The following CDH13 variants were observed in gnomAD, a reference collection of about 807,000 sequenced individuals.
CDH13 encodes the protein cadherin-13.
A neutral mutation model predicts 63.8 loss-of-function variants in CDH13; 24 were observed. The ratio of observed to expected loss-of-function variants is 0.38; its 90% CI spans 0.27 to 0.53. CDH13 has a LOEUF of 0.53. Among genes scored for constraint, CDH13 ranks in the 20% least tolerant of loss-of-function variants. CDH13 has a pLI of 0.85. For missense variants in CDH13, 1,049 were observed against 903.1 expected, an observed-to-expected ratio of 1.16 and a Z score of -2.07; for synonymous variants, 503 against 355.3, an observed-to-expected ratio of 1.42 and a Z score of -4.67.
At chr16:83,217,237 C>T in intron 4 of CDH13, 108 bp from the exon 5 acceptor site, 3 of 1,032,510 alleles carry the variant, frequency 2.9e-6, no homozygotes. Flanking sequence ...ACCAGGTACC[C>T]ATGTGCTGGC....
intron 5 of CDH13, among the ~76,000 whole-genome samples, chr16:83,267,866 C>G (rs1452589303): frequency 2.0e-5 from 3 of 152,154 alleles, no homozygotes; most frequent in Non-Finnish European, 4.4e-5. Flanking sequence ...CACCACTTTC[C>G]CAGAAGTTCC....
At chr16:83,515,751 A>G (rs1007881178) in intron 7 of CDH13, among the ~76,000 whole-genome samples, 6 of 152,236 alleles carry the variant, frequency 3.9e-5, no homozygotes, top group Admixed American at 3.9e-4. Flanking sequence ...GGTTGAATTC[A>G]TGAAGAAATT....
Position 83,125,494 on chromosome 16 carries a change from T to C in CDH13, c.476T>C (p.Val159Ala), listed in dbSNP as rs2035769938. The C allele has an allele frequency of 8.3e-6, 13 of 1,573,646 alleles. No individual in the cohort carries two copies. The highest frequency in any genetic ancestry group is 1.1e-5 in the South Asian group (1 of 90,052). ...CAGAGACAGCCTTTCCCAAGAGATG[T>C]TGGCAAGGTAAGTCAGACAAACAGC... is the stretch of plus-strand genomic sequence containing the variant. ...ENQRQPFPRD[V>A]GKVVDSDRPE... Residue 159 changes from valine to alanine, a missense_variant, in exon 4 of 14, where the codon GTT (valine) becomes GCT (alanine). By Grantham distance (64) the Val-to-Ala change is moderately conservative (BLOSUM62 0). Coordinates refer to ENST00000567109, the MANE Select transcript of CDH13 (RefSeq NM_001257.5).
At chr16:83,724,218 TGAATGCATGGATGAATGTG>T (rs1360545158) in intron 10 of CDH13, among the ~76,000 whole-genome samples, 3 of 119,772 alleles carry the variant, frequency 2.5e-5, no homozygotes, top group Admixed American at 8.4e-5. Context: ...GGGTGGGTGA[TGAATGCATGGATGAATGTG>T]GAATGCATGG....
At chr16:83,780,278 T>C in intron 12 of CDH13, 77 bp downstream of exon 12, 2 of 940,266 alleles carry the variant, frequency 2.1e-6, no homozygotes, top group Non-Finnish European at 3.2e-6. Flanking sequence ...GCTGTTTCTC[T>C]ACTGTTCTCT....
chr16:83,626,867 G>A (rs145339906), intron 8 of CDH13, among the ~76,000 whole-genome samples: 527 of 152,228 alleles, frequency 3.5e-3, no homozygotes, highest in Non-Finnish European at 5.1e-3. Flanking sequence ...ATGGTCCTCC[G>A]TGATGCCGCT....
At chr16:82,721,287 T>C (rs755777305) in intron 1 of CDH13, among the ~76,000 whole-genome samples, 55 of 152,282 alleles carry the variant, frequency 3.6e-4, no homozygotes, top group Non-Finnish European at 6.0e-4. Context: ...CAATGTACCA[T>C]GATCTAGTAT....
intron 1 of CDH13, among the ~76,000 whole-genome samples, chr16:82,733,847 C>T (rs2033529176): frequency 5.3e-5 from 8 of 152,228 alleles, no homozygotes; most frequent in Admixed American, 5.2e-4. Flanking sequence ...TATGTATGCA[C>T]TTATTCTTGC....
chr16:83,376,964 A>G (rs1353695097), intron 6 of CDH13, among the ~76,000 whole-genome samples: 1 of 152,148 alleles, frequency 6.6e-6, no homozygotes, highest in Non-Finnish European at 1.5e-5. Context: ...GAGATGCTCA[A>G]GCTATATGAA....
intron 2 of CDH13, among the ~76,000 whole-genome samples, chr16:82,901,587 T>A (rs1024628499): frequency 6.6e-6 from 1 of 152,206 alleles, no homozygotes; most frequent in African/African-American, 2.4e-5. Context: ...GAAAAAGGCA[T>A]GTTGCTTGGG....
rs532811546 is a variant in CDH13 at position 83,310,561 on chromosome 16, A to G, written c.637-34301A>G. ...TAAACCATCACCTCCTCTTCCACCA[A>G]GGCTATTGCCTTTTAGGTCCTTCAC... On this transcript the variant is annotated intron_variant, in intron 5 of 13. Coordinates refer to ENST00000567109, the MANE Select transcript of CDH13 (RefSeq NM_001257.5). 1.5e-3 allele frequency among the ~76,000 whole-genome samples: 223 copies of G among 152,324 alleles called. 1 individual carries two copies. Among genetic ancestry groups the G allele is most frequent in the African/African-American group, 4.8e-3 (198 of 41,568 alleles).
At chr16:82,803,806 T>C (rs956299565) in intron 1 of CDH13, among the ~76,000 whole-genome samples, 22 of 152,262 alleles carry the variant, frequency 1.4e-4, no homozygotes, top group African/African-American at 5.3e-4. Flanking sequence ...AATGGTGATT[T>C]GGGGGAGCAG....
chr16:82,840,129 A>T (rs1335058762), intron 1 of CDH13, among the ~76,000 whole-genome samples: 1 of 152,154 alleles, frequency 6.6e-6, no homozygotes, highest in Non-Finnish European at 1.5e-5. Context: ...CCCCACAATG[A>T]AAGTTAACGC....
At chr16:83,070,890 CAGG>C (rs1226642774) in intron 3 of CDH13, among the ~76,000 whole-genome samples, 10 of 124,748 alleles carry the variant, frequency 8.0e-5, no homozygotes, top group Non-Finnish European at 1.5e-4. Flanking sequence ...ACCTAAACAA[CAGG>C]AGTTTATTTA....
Position 82,735,841 on chromosome 16 carries a change from G to T in CDH13, c.45+108704G>T, listed in dbSNP as rs184987369. Among the ~76,000 whole-genome samples, 724 of 152,264 alleles carry T rather than the reference G, an allele frequency of 4.8e-3. 3 individuals are homozygous for T. Among genetic ancestry groups the T allele is most frequent in the Middle Eastern group, 0.017 (5 of 294 alleles). On this transcript the variant is annotated intron_variant, in intron 1 of 13. Transcript: ENST00000567109. ...TTAGCAAGTTTCATTTTTAACTTGG[G>T]TGCCAAGCCAGCCAATAGAATCTAA...
intron 6 of CDH13, among the ~76,000 whole-genome samples, chr16:83,390,034 G>C (rs180941630): frequency 1.3e-5 from 2 of 149,694 alleles, no homozygotes; most frequent in Middle Eastern, 3.4e-3. Context: ...TTGCAGCTGG[G>C]GCCTTAGCTA....
intron 4 of CDH13, among the ~76,000 whole-genome samples, chr16:83,127,872 T>G (rs149778670): frequency 1.6e-4 from 25 of 152,302 alleles, no homozygotes; most frequent in African/African-American, 4.8e-4. Flanking sequence ...TTTAAGAGTC[T>G]GGGACATGAT....
intron 13 of CDH13, among the ~76,000 whole-genome samples, chr16:83,788,436 C>T (rs981987503): frequency 6.6e-6 from 1 of 151,018 alleles, no homozygotes; most frequent in Non-Finnish European, 1.5e-5. Flanking sequence ...ACCAACACTC[C>T]CCATATATTA....
chr16:82,943,036 G>C (rs774379587), intron 2 of CDH13, among the ~76,000 whole-genome samples: 4 of 152,172 alleles, frequency 2.6e-5, no homozygotes, highest in African/African-American at 4.8e-5. Context: ...TAATATGACA[G>C]CTCTGCCTTA....
Sources: gnomAD v4.1 joint callset for allele counts (sites outside exome capture counted in the v4.1 genomes callset) on GRCh38, gnomAD v4.1.1 for gene constraint, MANE v1.5 for transcripts, NCBI Gene and HGNC (gene_info 2026-07-23, HGNC 2026-07-21) for gene names.